The following TNRC6B variants were observed in gnomAD, a reference collection of about 807,000 sequenced individuals.
The protein encoded by TNRC6B is trinucleotide repeat containing adaptor 6B, also known as trinucleotide repeat-containing gene 6B protein.
TNRC6B carries 52 observed loss-of-function variants against 203.6 expected under a neutral mutation model. That is an observed-to-expected ratio of 0.26 (90% CI 0.20 to 0.32). TNRC6B has a LOEUF of 0.32. TNRC6B is among the 10% of genes least tolerant of loss of function. TNRC6B has a pLI of 1.00. For synonymous variants in TNRC6B, 838 were observed against 845.7 expected (o/e 0.99, Z 0.16); for missense variants, 1,923 against 2,286.2 (o/e 0.84, Z 3.24).
intron 3 of TNRC6B, among the ~76,000 whole-genome samples, chr22:40,147,227 A>G (rs554651103): frequency 6.8e-5 from 10 of 147,396 alleles, no homozygotes; most frequent in African/African-American, 2.4e-4. Context: ...TTCTACTTAT[A>G]TAAGGTAACT....
intron 1 of TNRC6B, among the ~76,000 whole-genome samples, chr22:40,241,498 A>G (rs905698781): frequency 1.3e-5 from 2 of 152,222 alleles, no homozygotes; most frequent in African/African-American, 4.8e-5. Context: ...ATTGCAGGCC[A>G]GTATATTTTG....
intron 1 of TNRC6B, among the ~76,000 whole-genome samples, chr22:40,233,089 A>G (rs1212811401): frequency 1.3e-5 from 2 of 152,014 alleles, no homozygotes; most frequent in South Asian, 2.1e-4. Context: ...TGGAGGTTAC[A>G]GTGAGCTGAG....
At position 40,323,095 on chromosome 22, in the gene TNRC6B, G is replaced by A. The variant is rs1601524471; in HGVS notation, c.5356G>A (p.Asp1786Asn). The A allele has an allele frequency of 3.7e-6, 6 of 1,609,538 alleles. No homozygotes were observed. Among genetic ancestry groups the A allele is most frequent in the Non-Finnish European group, 5.1e-6 (6 of 1,177,768 alleles). The change falls in exon 23 of 23, where the codon GAT becomes AAT. Residue 1786 changes from aspartate (D) to asparagine (N), a missense_variant. Coordinates refer to ENST00000454349, the MANE Select transcript of TNRC6B (RefSeq NM_001162501.2). ...CAGCGCTGGTGGCAGCAGCGGGGCCGATCTTGCTGGCGCTTCATTGTGGGG... is the reference window on the plus strand; with the variant it reads ...CAGCGCTGGTGGCAGCAGCGGGGCCAATCTTGCTGGCGCTTCATTGTGGGG... ...SSSAGGSSGA[D>N]LAGASLWGPP... is the part of the protein sequence containing the mutation.
chr22:40,233,940 A>G (rs1442195480), intron 1 of TNRC6B, among the ~76,000 whole-genome samples: 1 of 152,116 alleles, frequency 6.6e-6, no homozygotes, highest in African/African-American at 2.4e-5. Flanking sequence ...TCCTAATGTC[A>G]TCGTTTCAGT....
At chr22:40,073,310 A>G (rs555554328) in intron 1 of TNRC6B, among the ~76,000 whole-genome samples, 5 of 152,306 alleles carry the variant, frequency 3.3e-5, no homozygotes, top group Admixed American at 6.5e-5. Flanking sequence ...GTGAAGGTCA[A>G]GAACTCTTTG....
intron 1 of TNRC6B, among the ~76,000 whole-genome samples, chr22:40,213,100 C>T (rs997117756): frequency 5.9e-5 from 9 of 152,150 alleles, no homozygotes; most frequent in African/African-American, 2.2e-4. Flanking sequence ...ATTCTCCTTC[C>T]TTTCTTTTAT....
intron 1 of TNRC6B, among the ~76,000 whole-genome samples, chr22:40,224,893 G>A (rs956576207): frequency 6.6e-6 from 1 of 152,258 alleles, no homozygotes; most frequent in Non-Finnish European, 1.5e-5. Flanking sequence ...CTTCTTTGCT[G>A]ATGCAGAGTA....
intron 1 of TNRC6B, among the ~76,000 whole-genome samples, chr22:40,234,152 G>A (rs1451860956): frequency 6.6e-6 from 1 of 152,128 alleles, no homozygotes; most frequent in Non-Finnish European, 1.5e-5. Context: ...TGCACATGGT[G>A]GTGCATGTCT....
At chr22:40,089,091 G>GA (rs1297757722) in intron 1 of TNRC6B, among the ~76,000 whole-genome samples, 2 of 151,914 alleles carry the variant, frequency 1.3e-5, no homozygotes, top group Non-Finnish European at 2.9e-5. Context: ...TATATTGTCA[G>GA]AAAAAAACAA....
intron 1 of TNRC6B, among the ~76,000 whole-genome samples, chr22:40,232,077 G>T: frequency 6.6e-6 from 1 of 152,186 alleles, no homozygotes; most frequent in East Asian, 1.9e-4. Context: ...GGCACTGACG[G>T]TATTAATAGA....
chr22:40,196,809 C>G (rs1456296736), intron 1 of TNRC6B, among the ~76,000 whole-genome samples: 2 of 152,070 alleles, frequency 1.3e-5, no homozygotes, highest in Non-Finnish European at 2.9e-5. Context: ...CTGAGTCATG[C>G]TGAGTTTTTC....
chr22:40,218,948 A>G (rs1601893657), intron 1 of TNRC6B, among the ~76,000 whole-genome samples: 1 of 152,240 alleles, frequency 6.6e-6, no homozygotes, highest in East Asian at 1.9e-4. Flanking sequence ...TTTGAGGAAA[A>G]GCAGGCATAA....
chr22:40,315,715 A>T (rs969947320), intron 20 of TNRC6B, among the ~76,000 whole-genome samples: 18 of 51,904 alleles, frequency 3.5e-4, no homozygotes, highest in Non-Finnish European at 5.8e-4. Context: ...ATGAGTAAAA[A>T]TGGCAGAGTG....
chr22:40,201,677 G>A (rs546625947), intron 1 of TNRC6B, among the ~76,000 whole-genome samples: 1 of 151,702 alleles, frequency 6.6e-6, no homozygotes, highest in Admixed American at 6.6e-5. Flanking sequence ...CTCCCACCTC[G>A]GCCTCTTGAG....
chr22:40,178,913 C>A (rs1408828154), intron 1 of TNRC6B, among the ~76,000 whole-genome samples: 1 of 152,108 alleles, frequency 6.6e-6, no homozygotes, highest in Non-Finnish European at 1.5e-5. Flanking sequence ...AGCTATTCAC[C>A]GCGATTAGAA....
chr22:40,218,235 C>T (rs1374441033), intron 1 of TNRC6B, among the ~76,000 whole-genome samples: 1 of 150,740 alleles, frequency 6.6e-6, no homozygotes, highest in African/African-American at 2.4e-5. Context: ...CAAGTGATAG[C>T]AAGAACTAGG....
chr22:40,049,957 C>T (rs1314016275), intron 1 of TNRC6B, among the ~76,000 whole-genome samples: 5 of 151,962 alleles, frequency 3.3e-5, no homozygotes, highest in Non-Finnish European at 7.4e-5. Flanking sequence ...AGTAATGCCT[C>T]CCATTAGTAT....
At chr22:40,253,448 A>G in intron 3 of TNRC6B, 1 of 416,158 alleles carries the variant, frequency 2.4e-6, no homozygotes, top group African/African-American at 2.1e-5. Context: ...TCTCAAACAC[A>G]CTCTTCTTTC....
intron 19 of TNRC6B, among the ~76,000 whole-genome samples, chr22:40,314,347 A>G (rs186840526): frequency 6.6e-6 from 1 of 152,248 alleles, no homozygotes; most frequent in Non-Finnish European, 1.5e-5. Flanking sequence ...TTATTCTGCA[A>G]TCATATTTCA....
Sources: gnomAD v4.1 joint callset for allele counts (sites outside exome capture counted in the v4.1 genomes callset) on GRCh38, gnomAD v4.1.1 for gene constraint, MANE v1.5 for transcripts, NCBI Gene and HGNC (gene_info 2026-07-23, HGNC 2026-07-21) for gene names.